Variants in PDE4B observed in about 807,000 individuals in gnomAD.
The protein encoded by PDE4B is 3',5'-cyclic-AMP phosphodiesterase 4B.
In PDE4B, 20 loss-of-function variants were observed where a neutral mutation model predicts 82.2. That is an observed-to-expected ratio of 0.24 (90% confidence interval 0.17 to 0.35). The LOEUF is 0.35. Among genes scored for constraint, PDE4B ranks in the 10% least tolerant of loss-of-function variants. The pLI, the probability that PDE4B is intolerant of heterozygous loss-of-function variation, is 1.00. For missense variants in PDE4B, 655 were observed against 907.2 expected (o/e 0.72, Z 3.57); for synonymous variants, 320 against 318.9 (o/e 1.00, Z -0.04).
chr1:66,094,621 G>T (rs778555603), intron 3 of PDE4B: 1 of 151,922 alleles, frequency 6.6e-6, no homozygotes, highest in Non-Finnish European at 1.5e-5. Context: ...ATTGTTTAAG[G>T]CAAAGACACA....
rs562091615 is a variant in PDE4B at position 65,910,502 on chromosome 1, G to C, written c.-70-2743G>C. Among the ~76,000 whole-genome samples, 6 of 152,302 alleles carry C rather than the reference G, an allele frequency of 3.9e-5. No homozygotes were observed. In the South Asian group the frequency reaches 1.2e-3, roughly 32 times the overall value. On this transcript the variant is annotated intron_variant, in intron 1 of 16. Transcript: ENST00000341517. ...AAGTTTTGGAAGCAAGTCTGTATTAGTCAGGATCCTAGTAGGAAATAGATT... is the reference window on the plus strand; with the variant it reads ...AAGTTTTGGAAGCAAGTCTGTATTACTCAGGATCCTAGTAGGAAATAGATT...
At chr1:66,293,485 G>T (rs183758073) in intron 7 of PDE4B, among the ~76,000 whole-genome samples, 1 of 152,180 alleles carries the variant, frequency 6.6e-6, no homozygotes, top group East Asian at 1.9e-4. Context: ...TGCATGTACC[G>T]TACTGAGTTT....
At chr1:65,959,229 A>G (rs1466239451) in intron 3 of PDE4B, among the ~76,000 whole-genome samples, 1 of 152,236 alleles carries the variant, frequency 6.6e-6, no homozygotes, top group Non-Finnish European at 1.5e-5. Context: ...ATTAGCATTT[A>G]TACATGTTTT....
intron 1 of PDE4B, among the ~76,000 whole-genome samples, chr1:65,861,322 T>A (rs1646451814): frequency 6.6e-6 from 1 of 152,194 alleles, no homozygotes; most frequent in Admixed American, 6.5e-5. Flanking sequence ...CTCCATTGCT[T>A]GTTTTTGCCA....
chr1:65,818,287 G>A (rs1645908802), intron 1 of PDE4B, among the ~76,000 whole-genome samples: 1 of 152,078 alleles, frequency 6.6e-6, no homozygotes, highest in South Asian at 2.1e-4. Flanking sequence ...CTTGTGTATT[G>A]TTCTTTTCCT....
chr1:66,100,548 G>C (rs1249043647), intron 3 of PDE4B, among the ~76,000 whole-genome samples: 1 of 152,090 alleles, frequency 6.6e-6, no homozygotes, highest in South Asian at 2.1e-4. Flanking sequence ...TCTAATCATA[G>C]ATATGTTTAA....
At chr1:65,880,678 G>A (rs1431599402) in intron 1 of PDE4B, among the ~76,000 whole-genome samples, 1 of 152,172 alleles carries the variant, frequency 6.6e-6, no homozygotes, top group Non-Finnish European at 1.5e-5. Context: ...GGATCTACCA[G>A]TGCTTTGATC....
chr1:66,329,874 C>T (rs1257612199), intron 7 of PDE4B, among the ~76,000 whole-genome samples: 1 of 152,196 alleles, frequency 6.6e-6, no homozygotes, highest in Non-Finnish European at 1.5e-5. Flanking sequence ...ACCATTCAGC[C>T]TTCAGGTGCC....
intron 3 of PDE4B, among the ~76,000 whole-genome samples, chr1:66,211,867 C>G (rs1650078076): frequency 6.6e-6 from 1 of 152,182 alleles, no homozygotes; most frequent in South Asian, 2.1e-4. Flanking sequence ...AGCCTGCATC[C>G]CAGCTGGCGG....
intron 1 of PDE4B, among the ~76,000 whole-genome samples, chr1:65,828,967 C>G (rs1646050674): frequency 6.6e-6 from 1 of 152,120 alleles, no homozygotes; most frequent in Non-Finnish European, 1.5e-5. Flanking sequence ...TTAATAATAA[C>G]TTTAAACATG....
chr1:66,218,276 G>T (rs1187858869), intron 3 of PDE4B, among the ~76,000 whole-genome samples: 1 of 152,104 alleles, frequency 6.6e-6, no homozygotes, highest in Non-Finnish European at 1.5e-5. Context: ...GTGACAGAGA[G>T]GGCCTCATGT....
At chr1:66,167,500 G>A (rs764023439) in intron 3 of PDE4B, among the ~76,000 whole-genome samples, 1 of 152,284 alleles carries the variant, frequency 6.6e-6, no homozygotes, top group East Asian at 1.9e-4. Context: ...AGGAGTAAAT[G>A]GAAATGGAGT....
chr1:66,185,953 A>G (rs929591148), intron 3 of PDE4B, among the ~76,000 whole-genome samples: 1 of 152,004 alleles, frequency 6.6e-6, no homozygotes, highest in Non-Finnish European at 1.5e-5. Context: ...TTCTTCTAGG[A>G]TTTTTATGGT....
rs141336147 is a variant in PDE4B at position 66,326,003 on chromosome 1, G to A, written c.635-6505G>A. ...ACAGTTATGATTTATAAACAGCTGG[G>A]GCAGACTCTACTGTGTTCCACTGAA... On this transcript the variant is annotated intron_variant, in intron 7 of 16. Coordinates refer to ENST00000341517, the MANE Select transcript of PDE4B (RefSeq NM_002600.4). Among the ~76,000 whole-genome samples the A allele has an allele frequency of 5.5e-3, 832 of 152,190 alleles. 7 individuals carry two copies. The highest frequency in any genetic ancestry group is 0.034 in the Middle Eastern group (10 of 294).
intron 3 of PDE4B, among the ~76,000 whole-genome samples, chr1:66,199,069 A>G (rs549363399): frequency 5.3e-4 from 80 of 151,946 alleles, no homozygotes; most frequent in African/African-American, 1.9e-3. Flanking sequence ...TGCAATAAAC[A>G]TACGTGTGCA....
chr1:66,370,882 G>A (rs889914731), intron 16 of PDE4B, among the ~76,000 whole-genome samples: 1 of 151,754 alleles, frequency 6.6e-6, no homozygotes, highest in Non-Finnish European at 1.5e-5. Context: ...GAGGGAAAAG[G>A]AGTGGGTGGA....
chr1:65,953,225 C>T (rs756043703), intron 3 of PDE4B, among the ~76,000 whole-genome samples: 2 of 151,986 alleles, frequency 1.3e-5, no homozygotes, highest in Non-Finnish European at 2.9e-5. Flanking sequence ...AGCAGGAGTA[C>T]AAATGGAAGG....
At chr1:65,848,517 TAA>T (rs796732187) in intron 1 of PDE4B, among the ~76,000 whole-genome samples, 10 of 152,160 alleles carry the variant, frequency 6.6e-5, no homozygotes, top group African/African-American at 2.4e-4. Context: ...TCTATTATCT[TAA>T]GAGTCTCTTG....
chr1:66,021,413 T>G (rs1653102194), intron 3 of PDE4B, among the ~76,000 whole-genome samples: 1 of 152,194 alleles, frequency 6.6e-6, no homozygotes, highest in Non-Finnish European at 1.5e-5. Context: ...CTGAATGGTA[T>G]TGCCTAGGTT....
Sources: allele counts gnomAD v4.1 joint callset (sites outside exome capture counted in the v4.1 genomes callset), GRCh38; gene constraint gnomAD v4.1.1; transcripts MANE v1.5; gene names NCBI Gene and HGNC (gene_info 2026-07-23, HGNC 2026-07-21).